Variants in POLQ observed in about 807,000 individuals in gnomAD.
POLQ encodes epididymis secretory sperm binding protein.
In POLQ, 233 loss-of-function variants were observed where a neutral mutation model predicts 259.2. The ratio of observed to expected loss-of-function variants is 0.90; its 90% CI spans 0.81 to 1.00. The LOEUF (loss-of-function observed/expected upper bound fraction) is 1.00. POLQ is among the 50% of genes least tolerant of loss of function. The pLI, the probability that POLQ is intolerant of heterozygous loss-of-function variation, is 0.00. For synonymous variants in POLQ, 1,025 were observed against 1,048.8 expected (o/e 0.98, Z 0.44); for missense variants, 2,871 against 3,051.6 (o/e 0.94, Z 1.39).
At chr3:121,531,565 C>G (rs1198821004) in intron 6 of POLQ, among the ~76,000 whole-genome samples, 12 of 152,240 alleles carry the variant, frequency 7.9e-5, no homozygotes, top group African/African-American at 2.9e-4. Context: ...AACAGAAAGC[C>G]ACTGCAAGTT....
At chr3:121,446,356 T>C (rs1398511939) in intron 26 of POLQ, among the ~76,000 whole-genome samples, 1 of 152,216 alleles carries the variant, frequency 6.6e-6, no homozygotes, top group African/African-American at 2.4e-5. Flanking sequence ...TAACATATAG[T>C]CTATCCTAGA....
rs758840860 is a variant in POLQ at position 121,488,565 on chromosome 3, TCA to T, written c.4364_4365del (p.Val1455GlufsTer25). ...FLQGYQTQETVKPVILLIPQK... is the reference protein window; with the variant it reads ...FLQGYQTQETXKPVILLIPQK... ...TGAGGAATCAGAAGTATAACTGGTT[TCA>T]CAGTTTCTTGTGTTTGATAACCTTG... On this transcript the variant is annotated frameshift_variant, in exon 16 of 30. Transcript: ENST00000264233. LOFTEE classifies it high-confidence loss of function. 1.5e-5 allele frequency: 24 copies of T among 1,611,638 alleles called. No homozygotes were observed. In the African/African-American group the frequency reaches 2.3e-4, roughly 15 times the overall value.
Position 121,520,004 on chromosome 3 carries a change from A to C in POLQ, c.1335T>G (p.Thr445=). 1 of 1,613,510 alleles carries C rather than the reference A, an allele frequency of 6.2e-7. No individual in the cohort carries two copies. Among genetic ancestry groups the C allele is most frequent in the Admixed American group, 1.7e-5 (1 of 60,024 alleles). Reference sequence around the variant, plus strand: ...CAGGTAAATTCACCCCAGAAGAAAGAGTAGAAGTTGCCGCCAAGACCCGAA... The same window carrying C: ...CAGGTAAATTCACCCCAGAAGAAAGCGTAGAAGTTGCCGCCAAGACCCGAA... ...GLIRVLAATS[T]LSSGVNLPAR... The change falls in exon 9 of 30, where the codon ACT becomes ACG. Residue 445 remains threonine, a synonymous_variant. Coordinates refer to ENST00000264233, the MANE Select transcript of POLQ (RefSeq NM_199420.4).
At chr3:121,459,191 C>T (rs1452079399) in intron 25 of POLQ, among the ~76,000 whole-genome samples, 1 of 152,078 alleles carries the variant, frequency 6.6e-6, no homozygotes, top group Non-Finnish European at 1.5e-5. Context: ...AGATTACTAA[C>T]CAATAACTTC....
At position 121,460,762 on chromosome 3, in the gene POLQ, G is replaced by GA. The variant is rs565417718; in HGVS notation, c.6968-529dup. On this transcript the variant is annotated intron_variant, in intron 24 of 29. Coordinates refer to ENST00000264233, the MANE Select transcript of POLQ (RefSeq NM_199420.4). ...TTTGACAATAACAAAGTCATTCAGT[G>GA]AAAAAAATCAAGTGGTCAACAGGTG... Among the ~76,000 whole-genome samples, 1,456 of 152,092 alleles carry GA rather than the reference G, an allele frequency of 9.6e-3. 7 individuals carry two copies. Among genetic ancestry groups the GA allele is most frequent in the Middle Eastern group, 0.02 (6 of 294 alleles).
rs373833511 is a variant in POLQ, at chr3:121,489,877, A to G, written c.3054T>C (p.Thr1018=). The G allele has an allele frequency of 8.1e-5, 130 of 1,604,968 alleles. No individual in the cohort carries two copies. In the Middle Eastern group the frequency reaches 1.5e-3, roughly 18 times the overall value. ...GTGCCTTTTTTGTTTTCTGTGAAAA[A>G]GTCTGAACAACTTTCTTATCACTTG... ...GKTSDKKVVQ[T]FSQKTKKAPL... is the part of the protein sequence containing the mutation. Residue 1018 remains threonine, a synonymous_variant, in exon 16 of 30, where the codon ACT becomes ACC. Coordinates refer to ENST00000264233, the MANE Select transcript of POLQ (RefSeq NM_199420.4).
intron 26 of POLQ, 151 bp downstream of exon 26, chr3:121,449,164 T>A: frequency 2.0e-6 from 1 of 503,878 alleles, no homozygotes; most frequent in South Asian, 3.5e-5. Flanking sequence ...TCTTAGTAAG[T>A]GATTATAAGG....
chr3:121,460,320 G>A lies in POLQ; in HGVS notation c.6968-86C>T, dbSNP rs573440040. 4.6e-5 allele frequency: 46 copies of A among 1,006,168 alleles called. No homozygotes were observed. In the African/African-American group the frequency reaches 6.9e-4, roughly 15 times the overall value. 62.3% of individuals were successfully genotyped at this position (1,006,168 alleles called of 1,614,324 possible). The stretch of plus-strand genomic sequence containing the variant: ...TCTATATCATATAATTGAGCAGGAT[G>A]ACAAAAATTTTGTTCTAACTTAGAA... On this transcript the variant is annotated intron_variant, in intron 24 of 29. Transcript: ENST00000264233.
At chr3:121,493,742 T>C in intron 14 of POLQ, 21 bp from the exon 15 acceptor site, 8 of 1,588,838 alleles carry the variant, frequency 5.0e-6, no homozygotes, top group Non-Finnish European at 6.9e-6. Flanking sequence ...CATAGAATAT[T>C]TGTTGAATTC....
At chr3:121,468,457 A>G in intron 22 of POLQ, 26 bp from the exon 23 acceptor site, 4 of 1,541,818 alleles carry the variant, frequency 2.6e-6, no homozygotes, top group Non-Finnish European at 3.6e-6. Flanking sequence ...ATAAAGACAT[A>G]AAATCAGGAA....
intron 14 of POLQ, chr3:121,494,139 G>A (rs1030429877): frequency 1.4e-5 from 11 of 806,750 alleles, no homozygotes; most frequent in South Asian, 9.8e-5. Flanking sequence ...CCAAGGGAAC[G>A]AAGGTGGCTC....
In POLQ at chr3:121,487,300, A is replaced by G. The variant is rs1433579515; in HGVS notation, c.5629+2T>C. 2.0e-6 allele frequency: 3 copies of G among 1,520,696 alleles called. No homozygotes were observed. The South Asian group carries it at 3.8e-5, about 19-fold the overall frequency. The allele number at this position is 1,520,696 out of a possible 1,614,324, so 94.2% of individuals were successfully genotyped here. Reference sequence around the variant, plus strand: ...AAAAAATAAAATTAAAAAAATTCTTACCTTGCTTAAACCTACTGCCAATAG... The same window carrying G: ...AAAAAATAAAATTAAAAAAATTCTTGCCTTGCTTAAACCTACTGCCAATAG... On this transcript the variant is annotated splice_donor_variant, in intron 16 of 29. Transcript: ENST00000264233. LOFTEE classifies it high-confidence loss of function.
At position 121,483,453 on chromosome 3, in the gene POLQ, A is replaced by G; in HGVS notation, c.5903T>C (p.Ile1968Thr). The change falls in exon 18 of 30, where the codon ATC becomes ACC. Residue 1968 changes from isoleucine to threonine, a missense_variant. Coordinates refer to ENST00000264233, the MANE Select transcript of POLQ (RefSeq NM_199420.4). ...KECSVVIYDF[I>T]QSYKILLLSC... ...AAGAAGAAGAATTTTATAGCTCTGG[A>G]TGAAGTCATAGATGACAACAGAACA... is the stretch of plus-strand genomic sequence containing the variant. 1 of 1,604,564 alleles carries G rather than the reference A, an allele frequency of 6.2e-7. No homozygotes were observed. Among genetic ancestry groups the G allele is most frequent in the Non-Finnish European group, 8.5e-7 (1 of 1,177,010 alleles).
At chr3:121,454,341 C>A (rs2047710517) in intron 25 of POLQ, among the ~76,000 whole-genome samples, 1 of 152,172 alleles carries the variant, frequency 6.6e-6, no homozygotes, top group Non-Finnish European at 1.5e-5. Flanking sequence ...GCAAAATAAC[C>A]AGTTAACATC....
chr3:121,531,367 G>C (rs1483772995), intron 6 of POLQ, among the ~76,000 whole-genome samples: 1 of 152,090 alleles, frequency 6.6e-6, no homozygotes, highest in Non-Finnish European at 1.5e-5. Flanking sequence ...GCCCTAAGGG[G>C]AAAGTATTCT....
Position 121,470,421 on chromosome 3 carries a change from G to A in POLQ, c.6718+1569C>T, listed in dbSNP as rs1285998177. Among the ~76,000 whole-genome samples, 16 of 152,096 alleles carry A rather than the reference G, an allele frequency of 1.1e-4. 1 individual carries two copies. The highest frequency in any genetic ancestry group is 9.2e-4 in the Admixed American group (14 of 15,260). ...CACTAGGATGGGACAAGTTTAGAAT[G>A]TTTAGAACAAGGGATAAAGCAAGCA... On this transcript the variant is annotated intron_variant, in intron 22 of 29. Transcript: ENST00000264233.
intron 25 of POLQ, among the ~76,000 whole-genome samples, chr3:121,454,459 T>C (rs1035619154): frequency 1.1e-4 from 17 of 152,084 alleles, no homozygotes; most frequent in East Asian, 1.9e-4. Context: ...AGAGTCAAGA[T>C]CCATCAGTGT....
chr3:121,490,328 T>C lies in POLQ; in HGVS notation c.2603A>G (p.Lys868Arg), dbSNP rs2048057013. 6.2e-7 allele frequency: 1 copy of C among 1,614,236 alleles called. No individual in the cohort carries two copies. The change falls in exon 16 of 30, where the codon AAA (lysine) becomes AGA (arginine). Residue 868 changes from lysine (K) to arginine (R), a missense_variant. Around this residue, in one of 3 missense-constraint regions of POLQ, gnomAD observed 2,080 missense variants for 2,126.0 expected, o/e 0.98. Coordinates refer to ENST00000264233, the MANE Select transcript of POLQ (RefSeq NM_199420.4). Reference sequence around the variant, plus strand: ...TGCTGCTTCCCTTTCAGTTAAACCTTTTCTGCCAGTCACCCAGATAGTTCG... The same window carrying C: ...TGCTGCTTCCCTTTCAGTTAAACCTCTTCTGCCAGTCACCCAGATAGTTCG... ...NMRTIWVTGR[K>R]GLTEREAAAL...
chr3:121,488,168 G>A lies in POLQ; in HGVS notation c.4763C>T (p.Pro1588Leu). 5.0e-6 allele frequency: 8 copies of A among 1,613,326 alleles called. No individual in the cohort carries two copies. Among genetic ancestry groups the A allele is most frequent in the Non-Finnish European group, 6.8e-6 (8 of 1,179,574 alleles). The change falls in exon 16 of 30, where the codon CCT becomes CTT. Residue 1588 changes from proline (P) to leucine (L), a missense_variant. Pro to Leu is a moderately conservative substitution (Grantham distance 98, BLOSUM62 -3). Transcript: ENST00000264233. Reference sequence around the variant, plus strand: ...TGGATCACTTAGTTCTAATGCTCTAGGAGATACTACAGTATGATTCTTCTC... The same window carrying A: ...TGGATCACTTAGTTCTAATGCTCTAAGAGATACTACAGTATGATTCTTCTC... ...VQEKNHTVVS[P>L]RALELSDPVL... is the part of the protein sequence containing the mutation.
Sources: gnomAD v4.1 joint callset for allele counts (sites outside exome capture counted in the v4.1 genomes callset) on GRCh38, gnomAD v4.1.1 for gene constraint, gnomAD v4.1.1 regional missense constraint, MANE v1.5 for transcripts, NCBI Gene and HGNC (gene_info 2026-07-23, HGNC 2026-07-21) for gene names.